The following NCOA3 variants were observed in gnomAD, a reference collection of about 807,000 sequenced individuals.
NCOA3 encodes nuclear receptor coactivator 3.
Under a neutral mutation model 158.8 loss-of-function variants are expected in NCOA3, and 51 were observed. That is an observed-to-expected ratio of 0.32 (90% CI 0.26 to 0.41). The LOEUF is 0.41. Among genes scored for constraint, NCOA3 ranks in the 10% least tolerant of loss-of-function variants. NCOA3 has a pLI of 1.00. For synonymous variants in NCOA3, 537 were observed against 592.4 expected (o/e 0.91, Z 1.36); for missense variants, 1,510 against 1,746.6 (o/e 0.86, Z 2.41).
chr20:47,502,156 G>A (rs1401356944), intron 1 of NCOA3, 137 bp downstream of exon 1: 2 of 397,214 alleles, frequency 5.0e-6, no homozygotes, highest in Non-Finnish European at 8.9e-6. Context: ...CGCCGGCCGG[G>A]GGACGCGCTG....
chr20:47,544,316 C>CTTTTTTTT (rs397866275), intron 1 of NCOA3, among the ~76,000 whole-genome samples: 8 of 99,702 alleles, frequency 8.0e-5, no homozygotes, highest in African/African-American at 1.9e-4. Flanking sequence ...TTTAATACTA[C>CTTTTTTTT]TTTTTTTTTT....
intron 1 of NCOA3, among the ~76,000 whole-genome samples, chr20:47,531,956 A>G (rs946043457): frequency 1.3e-5 from 2 of 152,256 alleles, no homozygotes; most frequent in African/African-American, 4.8e-5. Context: ...ACACCCTCCA[A>G]AATCCTTTAA....
chr20:47,504,223 T>C (rs916003393), intron 1 of NCOA3, among the ~76,000 whole-genome samples: 1 of 152,152 alleles, frequency 6.6e-6, no homozygotes, highest in Non-Finnish European at 1.5e-5. Flanking sequence ...AATTTAACTG[T>C]ATTTTGAAAA....
chr20:47,627,818 G>A, intron 7 of NCOA3, 69 bp downstream of exon 7: 1 of 1,581,084 alleles, frequency 6.3e-7, no homozygotes, highest in Non-Finnish European at 8.7e-7. Flanking sequence ...TTTGAAACTT[G>A]TGTTGTAACC....
chr20:47,642,444 A>G, intron 17 of NCOA3, 60 bp downstream of exon 17: 2 of 1,221,822 alleles, frequency 1.6e-6, no homozygotes, highest in South Asian at 2.2e-5. Context: ...GCGCGTACAC[A>G]TTCATGAAGC....
intron 22 of NCOA3, 123 bp from the exon 23 acceptor site, chr20:47,653,283 C>A: frequency 1.5e-6 from 2 of 1,295,210 alleles, no homozygotes; most frequent in Non-Finnish European, 2.1e-6. Context: ...ATCTCAGGAA[C>A]CTGAATCACT....
At chr20:47,549,965 AGAGTGCTGGG>A in intron 1 of NCOA3, among the ~76,000 whole-genome samples, 1 of 152,106 alleles carries the variant, frequency 6.6e-6, no homozygotes, top group South Asian at 2.1e-4. Context: ...TGGGCCTCCC[AGAGTGCTGGG>A]ATTACAGGCG....
intron 1 of NCOA3, among the ~76,000 whole-genome samples, chr20:47,581,187 A>G (rs1254094544): frequency 3.3e-5 from 5 of 152,314 alleles, no homozygotes; most frequent in African/African-American, 9.6e-5. Flanking sequence ...CTGTGTGTAT[A>G]AGTAACATAA....
chr20:47,640,037 T>C lies in NCOA3; in HGVS notation c.3066T>C (p.His1022=). The C allele has an allele frequency of 6.2e-7, 1 of 1,614,212 alleles. No homozygotes were observed. The highest frequency in any genetic ancestry group is 8.5e-7 in the Non-Finnish European group (1 of 1,180,034). The stretch of plus-strand genomic sequence containing the variant: ...TGTTGTCCATGGAACAAGTTTCTCA[T>C]GGCACTCAAAATAGGTGGGGTGTTA... The part of the protein sequence containing the change: ...DGMLSMEQVS[H]GTQNRPLLRN... The change falls in exon 16 of 23, where the codon CAT becomes CAC. Residue 1022 remains histidine, a synonymous_variant. Transcript: ENST00000371998.
chr20:47,618,282 A>C (rs1310316660), intron 2 of NCOA3, among the ~76,000 whole-genome samples: 1 of 152,056 alleles, frequency 6.6e-6, no homozygotes, highest in Non-Finnish European at 1.5e-5. Flanking sequence ...TTTATATCTT[A>C]AACAATTATA....
In NCOA3 at chr20:47,546,474, A is replaced by G. The variant is rs987587191; in HGVS notation, c.-98-36709A>G. On this transcript the variant is annotated intron_variant, in intron 1 of 22. Transcript: ENST00000371998. ...TGTAGAGGTTTCTTATTTCACCCGG[A>G]GTAGAAATGAAAGTTCTTACTTTGT... 2.2e-4 allele frequency among the ~76,000 whole-genome samples: 33 copies of G among 150,276 alleles called. 1 individual carries two copies. The highest frequency in any genetic ancestry group is 8.1e-4 in the African/African-American group (33 of 40,882).
intron 2 of NCOA3, among the ~76,000 whole-genome samples, chr20:47,599,929 C>A (rs2085829828): frequency 6.6e-6 from 1 of 152,028 alleles, no homozygotes; most frequent in Non-Finnish European, 1.5e-5. Context: ...TTGCGCAATG[C>A]CTCCAGAAAT....
rs11481985 is a variant in NCOA3, at chr20:47,560,968, C to CTTTT, written c.-98-22197_-98-22194dup. ...CCAATATGTAGTCTTATCCCTCATT[C>CTTTT]TTTTTTTTTTTTTTTTTTTTTGAGA... On this transcript the variant is annotated intron_variant, in intron 1 of 22. Transcript: ENST00000371998. Among the ~76,000 whole-genome samples the CTTTT allele has an allele frequency of 1.3e-3, 136 of 101,058 alleles. 1 individual carries two copies. Among genetic ancestry groups the CTTTT allele is most frequent in the African/African-American group, 1.4e-3 (35 of 25,294 alleles). The allele number at this position is 101,058 out of a possible 152,430, so 66.3% of individuals were successfully genotyped here. A position where few individuals can be genotyped will look rare whatever the true frequency, so the allele number is the denominator to read the frequency against.
chr20:47,599,117 G>A (rs993876444), intron 2 of NCOA3, among the ~76,000 whole-genome samples: 8 of 152,262 alleles, frequency 5.3e-5, no homozygotes, highest in African/African-American at 1.9e-4. Context: ...TGTGATGTTT[G>A]CACAATGATG....
chr20:47,588,270 A>C (rs971151008), intron 2 of NCOA3, among the ~76,000 whole-genome samples: 3 of 150,246 alleles, frequency 2.0e-5, no homozygotes, highest in Non-Finnish European at 3.0e-5. Flanking sequence ...GAGTAGCTGC[A>C]ACTACAGGTG....
chr20:47,593,593 T>C (rs1289645321), intron 2 of NCOA3, among the ~76,000 whole-genome samples: 2 of 152,056 alleles, frequency 1.3e-5, no homozygotes, highest in African/African-American at 4.8e-5. Context: ...TCCGCCTGCC[T>C]CGGCCTCCCA....
At chr20:47,575,027 T>C (rs2085351138) in intron 1 of NCOA3, among the ~76,000 whole-genome samples, 1 of 152,058 alleles carries the variant, frequency 6.6e-6, no homozygotes, top group African/African-American at 2.4e-5. Flanking sequence ...CCTCCCCACT[T>C]CCCCCAATAG....
In NCOA3 at chr20:47,591,631, G is replaced by A. The variant is rs377567095; in HGVS notation, c.-20+8370G>A. Among the ~76,000 whole-genome samples the A allele has an allele frequency of 5.9e-5, 9 of 152,100 alleles. No homozygotes were observed. In the South Asian group the frequency reaches 8.3e-4, roughly 14 times the overall value. ...TCTCAACTTTTATTTATCTGAAAAT[G>A]TCTTTATTTCACCCTATTTTTGAAG... On this transcript the variant is annotated intron_variant, in intron 2 of 22. Transcript: ENST00000371998.
intron 2 of NCOA3, among the ~76,000 whole-genome samples, chr20:47,604,930 G>A (rs2146266107): frequency 6.6e-6 from 1 of 152,068 alleles, no homozygotes; most frequent in East Asian, 1.9e-4. Context: ...GCAGTGGCGA[G>A]ATCTCGGCTC....
Sources: gnomAD v4.1 joint callset for allele counts (sites outside exome capture counted in the v4.1 genomes callset) on GRCh38, gnomAD v4.1.1 for gene constraint, MANE v1.5 for transcripts, NCBI Gene and HGNC (gene_info 2026-07-23, HGNC 2026-07-21) for gene names.